Variants in ABCC9 observed in about 807,000 individuals in gnomAD.
ABCC9 encodes ATP binding cassette subfamily C member 9.
A neutral mutation model predicts 188.3 loss-of-function variants in ABCC9; 95 were observed. The ratio of observed to expected loss-of-function variants is 0.50; its 90% CI spans 0.43 to 0.60. ABCC9 has a LOEUF of 0.60. Ranked by LOEUF, ABCC9 falls within the 20% of genes least tolerant of loss-of-function variation. The probability of loss-of-function intolerance (pLI) is 0.00; values close to 1 mark genes in which losing one functional copy is unlikely to be tolerated. For synonymous variants in ABCC9, 659 were observed against 652.7 expected (o/e 1.01, Z -0.15); for missense variants, 1,102 against 1,876.3 (o/e 0.59, Z 7.62).
At chr12:21,834,784 TATACACACACACACACAC>T (rs1943978952) in intron 30 of ABCC9, among the ~76,000 whole-genome samples, 1 of 30,310 alleles carries the variant, frequency 3.3e-5, no homozygotes, top group Admixed American at 3.4e-4. Flanking sequence ...TATATAACAT[TATACACACACACACACAC>T]ACACACACAC....
At chr12:21,936,360 G>A (rs376298784) in intron 3 of ABCC9, among the ~76,000 whole-genome samples, 173 bp downstream of exon 3, 15 of 152,166 alleles carry the variant, frequency 9.9e-5, no homozygotes, top group Admixed American at 6.6e-4. Context: ...TTCACCTACG[G>A]AAGATCACCT....
chr12:21,802,326 TAGAAA>T (rs1351553482), intron 39 of ABCC9, among the ~76,000 whole-genome samples: 6 of 152,140 alleles, frequency 3.9e-5, no homozygotes, highest in Non-Finnish European at 8.8e-5. Context: ...GTTTATAAAT[TAGAAA>T]GGAAAGATCT....
At chr12:21,861,886 A>G (rs1326094008) in intron 20 of ABCC9, among the ~76,000 whole-genome samples, 1 of 152,100 alleles carries the variant, frequency 6.6e-6, no homozygotes, top group African/African-American at 2.4e-5. Context: ...GAGAGGAGAC[A>G]AGGGAGATAG....
intron 39 of ABCC9, 86 bp from the exon 40 acceptor site, chr12:21,801,267 C>A (rs1301679155): frequency 6.4e-7 from 1 of 1,560,148 alleles, no homozygotes; most frequent in Non-Finnish European, 8.8e-7. Context: ...ATGAATTATT[C>A]TGGGACATTT....
At chr12:21,809,066 A>G (rs1942053583) in intron 37 of ABCC9, among the ~76,000 whole-genome samples, 1 of 152,202 alleles carries the variant, frequency 6.6e-6, no homozygotes, top group Admixed American at 6.5e-5. Context: ...TGGCAACTAT[A>G]TATTGTATAT....
chr12:21,916,020 T>C (rs949074709), intron 6 of ABCC9, 110 bp from the exon 7 acceptor site: 70 of 1,007,628 alleles, frequency 6.9e-5, no homozygotes, highest in South Asian at 4.6e-4. Flanking sequence ...CCAAAATTTA[T>C]ATTTTAATGC....
At chr12:21,926,118 T>A (rs1949035065) in intron 4 of ABCC9, 55 bp from the exon 5 acceptor site, 2 of 1,607,138 alleles carry the variant, frequency 1.2e-6, no homozygotes, top group Admixed American at 1.7e-5. Context: ...TAATTTCTTA[T>A]TTTTTTTCAA....
At chr12:21,855,421 C>G (rs1462538921) in intron 22 of ABCC9, among the ~76,000 whole-genome samples, 1 of 152,074 alleles carries the variant, frequency 6.6e-6, no homozygotes, top group Admixed American at 6.6e-5. Flanking sequence ...GGGGTTTCAC[C>G]ATGTTGGTCA....
rs2137336958 is a variant in ABCC9, at chr12:21,837,945, C to A, written c.3566+133G>T. ...TCATTTACACCAAATTTTTCTTATT[C>A]TTGGTTTAGTACACCATCAGGCACA... On this transcript the variant is annotated intron_variant, in intron 30 of 39. Transcript: ENST00000261200. 5.1e-6 allele frequency: 4 copies of A among 788,304 alleles called. No homozygotes were observed. The South Asian group carries it at 6.0e-5, about 12-fold the overall frequency. The allele number at this position is 788,304 out of a possible 1,614,324, so 48.8% of individuals were successfully genotyped here. A position where few individuals can be genotyped will look rare whatever the true frequency, so the allele number is the denominator to read the frequency against.
chr12:21,884,373 A>G (rs573363974), intron 15 of ABCC9, among the ~76,000 whole-genome samples: 8 of 152,192 alleles, frequency 5.3e-5, no homozygotes, highest in Admixed American at 1.3e-4. Flanking sequence ...GCACTCAGCC[A>G]TAATTATCTT....
At chr12:21,890,902 A>G (rs944681589) in intron 14 of ABCC9, among the ~76,000 whole-genome samples, 2 of 152,038 alleles carry the variant, frequency 1.3e-5, no homozygotes, top group African/African-American at 4.8e-5. Flanking sequence ...GCACACCAAC[A>G]TGGCACATGT....
intron 12 of ABCC9, among the ~76,000 whole-genome samples, chr12:21,895,710 A>G (rs1947369448): frequency 6.6e-6 from 1 of 152,224 alleles, no homozygotes; most frequent in Non-Finnish European, 1.5e-5. Flanking sequence ...TATTACACAG[A>G]TTAAAAACAA....
intron 35 of ABCC9, among the ~76,000 whole-genome samples, chr12:21,812,619 T>C: frequency 6.6e-6 from 1 of 152,234 alleles, no homozygotes; most frequent in South Asian, 2.1e-4. Flanking sequence ...AAATACTGCA[T>C]GTTCTCACTC....
At chr12:21,817,040 G>T in intron 33 of ABCC9, 147 bp downstream of exon 33, 1 of 827,228 alleles carries the variant, frequency 1.2e-6, no homozygotes. Flanking sequence ...CTTTTCCGGT[G>T]TACATAATCA....
intron 33 of ABCC9, among the ~76,000 whole-genome samples, 176 bp from the exon 34 acceptor site, chr12:21,816,069 T>G (rs1285941236): frequency 8.3e-6 from 1 of 119,992 alleles, no homozygotes; most frequent in Non-Finnish European, 1.7e-5. Context: ...TTTTTTTTTT[T>G]TTTTTTTTTT....
At position 21,810,856 on chromosome 12, in the gene ABCC9, C is replaced by T. The variant is rs1038713617; in HGVS notation, c.4212-901G>A. ...GTTTTACAACTAAATACTAGGCAAT[C>T]TTACATACATTTTTTCTTTACAATA... is the stretch of plus-strand genomic sequence containing the variant. On this transcript the variant is annotated intron_variant, in intron 36 of 39. Transcript: ENST00000261200. Among the ~76,000 whole-genome samples the T allele has an allele frequency of 2.2e-4, 34 of 152,120 alleles. 1 individual carries two copies. Among genetic ancestry groups the T allele is most frequent in the African/African-American group, 8.0e-4 (33 of 41,414 alleles).
At chr12:21,940,407 A>G (rs1352037658) in intron 2 of ABCC9, among the ~76,000 whole-genome samples, 1 of 152,212 alleles carries the variant, frequency 6.6e-6, no homozygotes, top group African/African-American at 2.4e-5. Flanking sequence ...AAATGCTGTA[A>G]TCACTTCTTT....
chr12:21,869,473 CA>C (rs1945953004), intron 18 of ABCC9: 1 of 152,140 alleles, frequency 6.6e-6, no homozygotes, highest in Admixed American at 6.5e-5. Context: ...CATATCTTTG[CA>C]AAAATGTAAA....
intron 36 of ABCC9, among the ~76,000 whole-genome samples, chr12:21,810,453 A>C (rs554883047): frequency 6.6e-6 from 1 of 152,322 alleles, no homozygotes; most frequent in East Asian, 1.9e-4. Context: ...ATTGACTTGC[A>C]GTTCTGCAGG....
Sources: allele counts gnomAD v4.1 joint callset (sites outside exome capture counted in the v4.1 genomes callset), GRCh38; gene constraint gnomAD v4.1.1; transcripts MANE v1.5; gene names NCBI Gene and HGNC (gene_info 2026-07-23, HGNC 2026-07-21).